Variants in NCOA1 observed in about 807,000 individuals in gnomAD.
NCOA1 encodes the protein Hin-2 protein.
In NCOA1, 35 loss-of-function variants were observed where a neutral mutation model predicts 150.9. That is an observed-to-expected ratio of 0.23 (90% confidence interval 0.18 to 0.31). The LOEUF is 0.31. Ranked by LOEUF, NCOA1 falls within the 10% of genes least tolerant of loss-of-function variation. The pLI is 1.00. For synonymous variants in NCOA1, 590 were observed against 630.0 expected, an observed-to-expected ratio of 0.94 and a Z score of 0.95; for missense variants, 1,491 against 1,749.3, an observed-to-expected ratio of 0.85 and a Z score of 2.63.
intron 4 of NCOA1, among the ~76,000 whole-genome samples, chr2:24,646,662 G>A (rs1670487263): frequency 6.7e-6 from 1 of 150,072 alleles, no homozygotes; most frequent in South Asian, 2.1e-4. Flanking sequence ...TAAAAAGGCT[G>A]TGATAGGGGA....
intron 6 of NCOA1, among the ~76,000 whole-genome samples, chr2:24,668,426 A>G (rs1337889779): frequency 6.6e-6 from 1 of 151,930 alleles, no homozygotes; most frequent in Non-Finnish European, 1.5e-5. Context: ...AAGAGAGAAG[A>G]AAAAACAGGT....
intron 3 of NCOA1, among the ~76,000 whole-genome samples, chr2:24,605,402 T>A (rs989192360): frequency 2.0e-5 from 3 of 152,206 alleles, no homozygotes; most frequent in Non-Finnish European, 4.4e-5. Flanking sequence ...TTTTTAAAAA[T>A]TTTTAAGATT....
chr2:24,632,564 C>T (rs1261121765), intron 3 of NCOA1, among the ~76,000 whole-genome samples: 1 of 152,124 alleles, frequency 6.6e-6, no homozygotes, highest in Non-Finnish European at 1.5e-5. Flanking sequence ...CTGACATTTC[C>T]AATGCTCAGA....
chr2:24,639,678 G>A (rs973243852), intron 3 of NCOA1, among the ~76,000 whole-genome samples: 2 of 151,498 alleles, frequency 1.3e-5, no homozygotes, highest in Non-Finnish European at 2.9e-5. Context: ...CACGAGGTCA[G>A]GAGTTCAAGA....
intron 1 of NCOA1, among the ~76,000 whole-genome samples, chr2:24,560,675 T>G (rs565503213): frequency 4.7e-4 from 72 of 152,324 alleles, no homozygotes; most frequent in African/African-American, 8.2e-4. Flanking sequence ...CATTCTTGAC[T>G]GTGTCTCTTG....
chr2:24,738,492 T>G (rs930311018), intron 17 of NCOA1, among the ~76,000 whole-genome samples: 1 of 152,206 alleles, frequency 6.6e-6, no homozygotes, highest in African/African-American at 2.4e-5. Context: ...CTGGCATGCC[T>G]ATGACCTGGA....
intron 1 of NCOA1, among the ~76,000 whole-genome samples, chr2:24,493,193 ATT>A (rs1342183922): frequency 6.6e-6 from 1 of 152,250 alleles, no homozygotes; most frequent in Non-Finnish European, 1.5e-5. Context: ...TTTGCCATAA[ATT>A]AGATAAAATG....
At chr2:24,627,638 C>T (rs1215616027) in intron 3 of NCOA1, among the ~76,000 whole-genome samples, 1 of 152,098 alleles carries the variant, frequency 6.6e-6, no homozygotes, top group Non-Finnish European at 1.5e-5. Context: ...CATATAAAAC[C>T]TATATTGGAA....
intron 18 of NCOA1, 106 bp downstream of exon 18, chr2:24,739,639 A>G (rs1418736419): frequency 5.2e-6 from 4 of 771,310 alleles, no homozygotes; most frequent in East Asian, 5.2e-5. Flanking sequence ...TGATCTTTTA[A>G]TGATGTTTGT....
At chr2:24,612,822 C>CT (rs796082635) in intron 3 of NCOA1, among the ~76,000 whole-genome samples, 3 of 151,998 alleles carry the variant, frequency 2.0e-5, no homozygotes, top group Admixed American at 6.5e-5. Context: ...GATTTTCAAC[C>CT]TTTTTTTGGA....
chr2:24,632,013 G>C (rs1669730082), intron 3 of NCOA1, among the ~76,000 whole-genome samples: 1 of 152,102 alleles, frequency 6.6e-6, no homozygotes, highest in African/African-American at 2.4e-5. Flanking sequence ...TAAAATGTTA[G>C]AAATAATATA....
At chr2:24,745,174 T>TC (rs1663836955) in intron 19 of NCOA1, among the ~76,000 whole-genome samples, 1 of 150,246 alleles carries the variant, frequency 6.7e-6, no homozygotes, top group African/African-American at 2.4e-5. Context: ...TTTTTTTTTT[T>TC]TCTTTGAGAC....
intron 17 of NCOA1, among the ~76,000 whole-genome samples, chr2:24,737,399 C>G (rs1663369026): frequency 6.6e-6 from 1 of 152,176 alleles, no homozygotes; most frequent in Admixed American, 6.5e-5. Context: ...TAGATTTATG[C>G]TATTTAGAAT....
chr2:24,594,546 T>G (rs1010832926), intron 3 of NCOA1, among the ~76,000 whole-genome samples: 2 of 152,148 alleles, frequency 1.3e-5, no homozygotes, highest in African/African-American at 4.8e-5. Flanking sequence ...ACAAAAGATG[T>G]ACATCAGAAA....
chr2:24,630,004 C>T (rs1366883906), intron 3 of NCOA1, among the ~76,000 whole-genome samples: 1 of 151,486 alleles, frequency 6.6e-6, no homozygotes, highest in Non-Finnish European at 1.5e-5. Context: ...CCATCACGCC[C>T]GGCTAATTGT....
chr2:24,556,444 C>T (rs1666077166), intron 1 of NCOA1, among the ~76,000 whole-genome samples: 1 of 152,170 alleles, frequency 6.6e-6, no homozygotes, highest in African/African-American at 2.4e-5. Context: ...AATAATGCTA[C>T]AGTGAACATA....
chr2:24,509,158 A>G (rs993105065), intron 1 of NCOA1, among the ~76,000 whole-genome samples: 1 of 152,244 alleles, frequency 6.6e-6, no homozygotes, highest in Non-Finnish European at 1.5e-5. Flanking sequence ...GTACCAGATT[A>G]TGTGCTAAGT....
intron 3 of NCOA1, among the ~76,000 whole-genome samples, chr2:24,635,268 T>A (rs2148442018): frequency 6.6e-6 from 1 of 152,244 alleles, no homozygotes; most frequent in South Asian, 2.1e-4. Context: ...CTTTTTTGAA[T>A]ATGGATTCAT....
chr2:24,697,205 A>G (rs1405898459), intron 10 of NCOA1, among the ~76,000 whole-genome samples: 1 of 152,198 alleles, frequency 6.6e-6, no homozygotes, highest in African/African-American at 2.4e-5. Context: ...CTACAGCCCA[A>G]CAAAGGTTAG....
Sources: allele counts gnomAD v4.1 joint callset (sites outside exome capture counted in the v4.1 genomes callset), GRCh38; gene constraint gnomAD v4.1.1; transcripts MANE v1.5; gene names NCBI Gene and HGNC (gene_info 2026-07-23, HGNC 2026-07-21).